Variants in LMNTD1 observed in about 807,000 individuals in gnomAD.
LMNTD1 encodes lamin tail domain containing 1, also known as lamin tail domain-containing protein 1.
In LMNTD1, 35 loss-of-function variants were observed where a neutral mutation model predicts 50.9. The ratio of observed to expected loss-of-function variants is 0.69; its 90% CI spans 0.53 to 0.91. The LOEUF (loss-of-function observed/expected upper bound fraction) is 0.91. Among genes scored for constraint, LMNTD1 ranks in the 40% least tolerant of loss-of-function variants. The pLI is 0.00. For synonymous variants in LMNTD1, 153 were observed against 161.9 expected, an observed-to-expected ratio of 0.94 and a Z score of 0.42; for missense variants, 470 against 475.5, an observed-to-expected ratio of 0.99 and a Z score of 0.11.
chr12:25,610,338 G>A (rs1040691236), intron 1 of LMNTD1, among the ~76,000 whole-genome samples: 2 of 152,062 alleles, frequency 1.3e-5, no homozygotes, highest in African/African-American at 4.8e-5. Context: ...CCCTCTGTGG[G>A]CTGCACCCAC....
At chr12:25,496,126 A>G (rs1939056338) in intron 9 of LMNTD1, among the ~76,000 whole-genome samples, 1 of 152,144 alleles carries the variant, frequency 6.6e-6, no homozygotes, top group African/African-American at 2.4e-5. Context: ...ATAATTGAAA[A>G]CACCTGAACC....
At chr12:25,547,243 G>A (rs1943486264) in intron 3 of LMNTD1, 1 of 900,598 alleles carries the variant, frequency 1.1e-6, no homozygotes, top group African/African-American at 1.8e-5. Context: ...GACGCGTCGT[G>A]ATGAAGTGGA....
intron 1 of LMNTD1, among the ~76,000 whole-genome samples, chr12:25,605,702 AT>A (rs1565515173): frequency 2.0e-5 from 3 of 152,090 alleles, no homozygotes. Flanking sequence ...ATTGGTCTAT[AT>A]CTCTGTTTTG....
chr12:25,560,091 G>A (rs1021832140), intron 1 of LMNTD1, among the ~76,000 whole-genome samples: 2 of 152,116 alleles, frequency 1.3e-5, no homozygotes, highest in African/African-American at 2.4e-5. Flanking sequence ...CATTGCTTTT[G>A]GTGTTTTAGA....
chr12:25,556,850 A>G (rs1944064269), upstream of LMNTD1, among the ~76,000 whole-genome samples: 1 of 152,192 alleles, frequency 6.6e-6, no homozygotes, highest in African/African-American at 2.4e-5. Flanking sequence ...GGCTTTATAT[A>G]TTTTAGTTCT....
intron 1 of LMNTD1, among the ~76,000 whole-genome samples, chr12:25,577,815 G>A (rs1945097647): frequency 6.6e-6 from 1 of 152,088 alleles, no homozygotes; most frequent in South Asian, 2.1e-4. Context: ...ATATTGCCCA[G>A]CTCTATTTTC....
At chr12:25,575,989 T>C (rs864895) in intron 1 of LMNTD1, among the ~76,000 whole-genome samples, 125,512 of 152,146 alleles carry the variant, frequency 0.82, 52,124 homozygotes, top group Middle Eastern at 0.9. Context: ...TGGTTTCCAG[T>C]TTCAACCATG....
intron 1 of LMNTD1, among the ~76,000 whole-genome samples, chr12:25,596,096 T>A (rs1235912711): frequency 6.6e-6 from 1 of 151,826 alleles, no homozygotes; most frequent in African/African-American, 2.4e-5. Flanking sequence ...AAATGGTAAT[T>A]TAAAAATTAC....
chr12:25,598,527 T>C (rs948881712), intron 1 of LMNTD1, among the ~76,000 whole-genome samples: 1 of 151,646 alleles, frequency 6.6e-6, no homozygotes, highest in Non-Finnish European at 1.5e-5. Flanking sequence ...ACAAATAAAA[T>C]TGAAATGAAA....
At chr12:25,645,555 G>T (rs555516476) in intron 1 of LMNTD1, among the ~76,000 whole-genome samples, 1 of 152,200 alleles carries the variant, frequency 6.6e-6, no homozygotes, top group Admixed American at 6.6e-5. Context: ...ATTATGTGTG[G>T]CTAAGAAGCA....
At chr12:25,639,299 TA>T (rs764101881) in intron 1 of LMNTD1, among the ~76,000 whole-genome samples, 1 of 152,020 alleles carries the variant, frequency 6.6e-6, no homozygotes, top group African/African-American at 2.4e-5. Context: ...AGTGACAAAA[TA>T]AAAAAATAGA....
chr12:25,493,020 GC>G lies in LMNTD1; in HGVS notation c.*22+10717del, dbSNP rs139757484. 3.6e-3 allele frequency among the ~76,000 whole-genome samples: 552 copies of G among 152,202 alleles called. 5 individuals are homozygous for G. The highest frequency in any genetic ancestry group is 0.013 in the African/African-American group (538 of 41,528). On this transcript the variant is annotated intron_variant, in intron 9 of 9. Coordinates refer to ENST00000458174, the MANE Select transcript of LMNTD1 (RefSeq NM_001145728.2). ...TGATCAGCCTTCCTTTTCTCCATTA[GC>G]CTGAAACATCTAGCCTGTCTCTTAA...
At chr12:25,607,074 T>G (rs1004346668) in intron 1 of LMNTD1, among the ~76,000 whole-genome samples, 4 of 152,230 alleles carry the variant, frequency 2.6e-5, no homozygotes, top group Non-Finnish European at 5.9e-5. Context: ...GGTGTATGTT[T>G]CCAGGAATTT....
rs538676381 is a variant in LMNTD1, at chr12:25,503,370, A to C, written c.*22+368T>G. On this transcript the variant is annotated intron_variant, in intron 9 of 9. Coordinates refer to ENST00000458174, the MANE Select transcript of LMNTD1 (RefSeq NM_001145728.2). The stretch of plus-strand genomic sequence containing the variant: ...TAGCCAGAGTGATTTCTGTGATGTA[A>C]TTAATACTCTCTTGCTCATAGGAAT... Among the ~76,000 whole-genome samples the C allele has an allele frequency of 3.9e-5, 6 of 152,306 alleles. No homozygotes were observed. The East Asian group carries it at 1.2e-3, about 29-fold the overall frequency.
intron 1 of LMNTD1, among the ~76,000 whole-genome samples, chr12:25,587,050 C>T (rs1945551244): frequency 6.6e-6 from 1 of 152,176 alleles, no homozygotes. Flanking sequence ...CTGTTTCTCT[C>T]AGCTGGAAAG....
rs114975135 is a variant in LMNTD1 at position 25,494,108 on chromosome 12, A to G, written c.*22+9630T>C. Among the ~76,000 whole-genome samples, 217 of 152,076 alleles carry G rather than the reference A, an allele frequency of 1.4e-3. 1 individual carries two copies. Among genetic ancestry groups the G allele is most frequent in the South Asian group, 6.2e-3 (30 of 4,804 alleles). Reference sequence around the variant, plus strand: ...GGAGGCATAAGACATAAACTTGAAAACCATTTCTTGTGGTAGTTATGCTCC... The same window carrying G: ...GGAGGCATAAGACATAAACTTGAAAGCCATTTCTTGTGGTAGTTATGCTCC... On this transcript the variant is annotated intron_variant, in intron 9 of 9. Coordinates refer to ENST00000458174, the MANE Select transcript of LMNTD1 (RefSeq NM_001145728.2).
intron 8 of LMNTD1, among the ~76,000 whole-genome samples, chr12:25,506,975 G>T (rs1352012093): frequency 1.3e-5 from 2 of 152,070 alleles, no homozygotes; most frequent in Non-Finnish European, 2.9e-5. Flanking sequence ...CACCTCCCGG[G>T]TTCAAGCAAT....
At chr12:25,506,402 C>A (rs762652732) in intron 8 of LMNTD1, among the ~76,000 whole-genome samples, 7 of 152,090 alleles carry the variant, frequency 4.6e-5, no homozygotes, top group Non-Finnish European at 7.4e-5. Flanking sequence ...ACAGGCAAAG[C>A]GCATTCAACC....
chr12:25,545,379 G>A (rs1378768822), intron 4 of LMNTD1, among the ~76,000 whole-genome samples: 2 of 151,324 alleles, frequency 1.3e-5, no homozygotes, highest in African/African-American at 2.4e-5. Flanking sequence ...TGACCTCTGG[G>A]GAGCTTAATT....
Sources: gnomAD v4.1 joint callset for allele counts (sites outside exome capture counted in the v4.1 genomes callset) on GRCh38, gnomAD v4.1.1 for gene constraint, MANE v1.5 for transcripts, NCBI Gene and HGNC (gene_info 2026-07-23, HGNC 2026-07-21) for gene names.